Variants in MAP4K3 observed in about 807,000 individuals in gnomAD.
MAP4K3 encodes the protein mitogen-activated protein kinase kinase kinase kinase 3, also known as MAPK/ERK kinase kinase kinase 3.
A neutral mutation model predicts 143.5 loss-of-function variants in MAP4K3; 94 were observed. The observed-to-expected ratio is 0.65, with a 90% CI of 0.55 to 0.78. The LOEUF (loss-of-function observed/expected upper bound fraction) is 0.78, where lower values mean the gene tolerates loss of function less well. MAP4K3 is among the 30% of genes least tolerant of loss of function. The pLI, the probability that MAP4K3 is intolerant of heterozygous loss-of-function variation, is 0.00. For missense variants in MAP4K3, 1,077 were observed against 1,068.1 expected, an observed-to-expected ratio of 1.01 and a Z score of -0.12; for synonymous variants, 416 against 347.2, an observed-to-expected ratio of 1.20 and a Z score of -2.20.
chr2:39,277,957 G>C (rs1265460404), intron 24 of MAP4K3, among the ~76,000 whole-genome samples: 2 of 151,410 alleles, frequency 1.3e-5, no homozygotes, highest in Non-Finnish European at 1.5e-5. Flanking sequence ...GACCAGCATG[G>C]GCAACATGGT....
At chr2:39,274,043 T>C (rs1469755555) in intron 24 of MAP4K3, among the ~76,000 whole-genome samples, 2 of 152,256 alleles carry the variant, frequency 1.3e-5, no homozygotes, top group South Asian at 2.1e-4. Flanking sequence ...GATGGTTTAC[T>C]ATAAAATTAT....
chr2:39,424,759 A>G (rs1037440119), intron 1 of MAP4K3, among the ~76,000 whole-genome samples: 1 of 141,252 alleles, frequency 7.1e-6, no homozygotes, highest in East Asian at 2.2e-4. Context: ...TGAGCCCAGG[A>G]GGTTGAGGCT....
intron 16 of MAP4K3, among the ~76,000 whole-genome samples, chr2:39,297,332 G>A (rs1469516070): frequency 6.6e-6 from 1 of 152,006 alleles, no homozygotes; most frequent in Non-Finnish European, 1.5e-5. Context: ...TGGCCAGGCT[G>A]GTCTCGATCT....
At chr2:39,385,551 C>CATATATATATATAT (rs140387430) in intron 1 of MAP4K3, among the ~76,000 whole-genome samples, 133 of 111,182 alleles carry the variant, frequency 1.2e-3, no homozygotes, top group Admixed American at 2.7e-3. Context: ...GAGCGTTCTT[C>CATATATATATATAT]ATATATATAT....
chr2:39,329,990 T>C (rs996981360), intron 8 of MAP4K3, among the ~76,000 whole-genome samples: 1 of 152,042 alleles, frequency 6.6e-6, no homozygotes, highest in Non-Finnish European at 1.5e-5. Context: ...ACAAAAAAGA[T>C]TTTTTTGTTC....
chr2:39,358,807 T>C (rs1338588243), intron 2 of MAP4K3, among the ~76,000 whole-genome samples: 1 of 152,020 alleles, frequency 6.6e-6, no homozygotes. Context: ...CTATCACGAG[T>C]AGAGCAGCAG....
intron 27 of MAP4K3, among the ~76,000 whole-genome samples, chr2:39,266,729 G>C (rs1680782269): frequency 6.6e-6 from 1 of 151,502 alleles, no homozygotes; most frequent in South Asian, 2.1e-4. Flanking sequence ...TTTTGCTCTG[G>C]CTACATGCAA....
chr2:39,290,594 G>A (rs1452254199), intron 18 of MAP4K3, among the ~76,000 whole-genome samples: 1 of 151,672 alleles, frequency 6.6e-6, no homozygotes, highest in African/African-American at 2.4e-5. Context: ...TCATGTGGAA[G>A]CTAAAAAAAA....
chr2:39,321,236 C>T (rs1470882020), intron 12 of MAP4K3, among the ~76,000 whole-genome samples: 1 of 152,166 alleles, frequency 6.6e-6, no homozygotes, highest in African/African-American at 2.4e-5. Context: ...CCATTTTGTT[C>T]TATACTAAAA....
intron 3 of MAP4K3, among the ~76,000 whole-genome samples, chr2:39,350,850 C>A (rs1186417915): frequency 6.6e-6 from 1 of 152,146 alleles, no homozygotes; most frequent in Non-Finnish European, 1.5e-5. Flanking sequence ...ACAACCTTAT[C>A]TACTCCAACT....
chr2:39,292,825 C>A lies in MAP4K3; in HGVS notation c.1219G>T (p.Gly407Ter), dbSNP rs1682104506. 1 of 1,611,134 alleles carries A rather than the reference C, an allele frequency of 6.2e-7. No homozygotes were observed. Among genetic ancestry groups the A allele is most frequent in the Non-Finnish European group, 8.5e-7 (1 of 1,177,792 alleles). ...KSVEEELHQR[G>*]HVAHLEDDEG... The stretch of plus-strand genomic sequence containing the variant: ...TCATCTTCTAAATGTGCGACGTGTC[C>A]TCTAAATAAAAAGGATAATGTCATT... The change falls in exon 18 of 34, where the codon GGA becomes TGA. Residue 407 changes from glycine (G) to a stop codon, truncating the protein, a stop_gained and splice_region_variant. Coordinates refer to ENST00000263881, the MANE Select transcript of MAP4K3 (RefSeq NM_003618.4). LOFTEE classifies it high-confidence loss of function.
At chr2:39,318,738 T>G (rs1198366675) in intron 12 of MAP4K3, among the ~76,000 whole-genome samples, 2 of 152,160 alleles carry the variant, frequency 1.3e-5, no homozygotes, top group Non-Finnish European at 2.9e-5. Context: ...AACAAAACCC[T>G]GCCCTTACAA....
chr2:39,318,449 G>C (rs1683192519), intron 12 of MAP4K3, among the ~76,000 whole-genome samples: 1 of 151,984 alleles, frequency 6.6e-6, no homozygotes, highest in African/African-American at 2.4e-5. Context: ...AATAAAAATG[G>C]TAAGATTTTT....
chr2:39,405,936 T>G (rs1019749487), intron 1 of MAP4K3, among the ~76,000 whole-genome samples: 1 of 152,032 alleles, frequency 6.6e-6, no homozygotes, highest in Non-Finnish European at 1.5e-5. Context: ...ATATGTGATC[T>G]TTTAGAAAGA....
At chr2:39,370,157 CTTTT>C (rs1267968247) in intron 2 of MAP4K3, among the ~76,000 whole-genome samples, 1 of 152,118 alleles carries the variant, frequency 6.6e-6, no homozygotes, top group African/African-American at 2.4e-5. Context: ...TTGTCAGTTG[CTTTT>C]TTATTTTGGA....
chr2:39,405,843 G>A (rs1667079538), intron 1 of MAP4K3, among the ~76,000 whole-genome samples: 1 of 152,070 alleles, frequency 6.6e-6, no homozygotes, highest in Non-Finnish European at 1.5e-5. Flanking sequence ...CTGCACTCCA[G>A]CCTGGGTGAC....
rs182455330 is a variant in MAP4K3 at position 39,395,876 on chromosome 2, C to G, written c.97-17753G>C. ...TCTTCAAAATATTTTGATATGTATGCTTTATTTGAAGCCTGAAAGCTTCAG... is the reference window on the plus strand; with the variant it reads ...TCTTCAAAATATTTTGATATGTATGGTTTATTTGAAGCCTGAAAGCTTCAG... On this transcript the variant is annotated intron_variant, in intron 1 of 33. Coordinates refer to ENST00000263881, the MANE Select transcript of MAP4K3 (RefSeq NM_003618.4). Among the ~76,000 whole-genome samples, 48 of 152,194 alleles carry G rather than the reference C, an allele frequency of 3.2e-4. 1 individual carries two copies. The East Asian group carries it at 3.7e-3, about 12-fold the overall frequency.
At chr2:39,268,737 T>G (rs560137074) in intron 26 of MAP4K3, among the ~76,000 whole-genome samples, 66 of 135,104 alleles carry the variant, frequency 4.9e-4, no homozygotes, top group Non-Finnish European at 6.8e-4. Flanking sequence ...CCTCCCAGGT[T>G]CAAGTGATTC....
At chr2:39,280,412 T>C (rs1573089302) in intron 22 of MAP4K3, 56 bp from the exon 23 acceptor site, 3 of 976,388 alleles carry the variant, frequency 3.1e-6, no homozygotes, top group East Asian at 5.0e-5. Context: ...GTCTTTAATA[T>C]ATAAAATGTA....
Sources: gnomAD v4.1 joint callset for allele counts (sites outside exome capture counted in the v4.1 genomes callset) on GRCh38, gnomAD v4.1.1 for gene constraint, MANE v1.5 for transcripts, NCBI Gene and HGNC (gene_info 2026-07-23, HGNC 2026-07-21) for gene names.